JARID2: variants seen among roughly 807,000 people sequenced by gnomAD.
JARID2 encodes the protein jumonji and AT-rich interaction domain containing 2.
In JARID2, 21 loss-of-function variants were observed where a neutral mutation model predicts 125.6. The ratio of observed to expected loss-of-function variants is 0.17; its 90% CI spans 0.12 to 0.24. JARID2 has a LOEUF of 0.24. Among genes scored for constraint, JARID2 ranks in the 10% least tolerant of loss-of-function variants. The pLI, the probability that JARID2 is intolerant of heterozygous loss-of-function variation, is 1.00. For missense variants in JARID2, 1,303 were observed against 1,639.6 expected, an observed-to-expected ratio of 0.79 and a Z score of 3.55; for synonymous variants, 736 against 661.6, an observed-to-expected ratio of 1.11 and a Z score of -1.73.
intron 1 of JARID2, among the ~76,000 whole-genome samples, chr6:15,258,353 C>G (rs1195655288): frequency 6.6e-6 from 1 of 152,154 alleles, no homozygotes; most frequent in Non-Finnish European, 1.5e-5. Flanking sequence ...GCTCTGTCAT[C>G]TTGGGTAGAT....
intron 3 of JARID2, among the ~76,000 whole-genome samples, chr6:15,415,980 T>C (rs1424218387): frequency 1.4e-5 from 2 of 141,042 alleles, no homozygotes; most frequent in Non-Finnish European, 3.1e-5. Context: ...ACAGGGCGGC[T>C]GGGCAGAGAC....
At chr6:15,392,680 C>CTTTTT (rs35429221) in intron 2 of JARID2, among the ~76,000 whole-genome samples, 1 of 120,892 alleles carries the variant, frequency 8.3e-6, no homozygotes, top group Non-Finnish European at 1.7e-5. Context: ...GATTAAGAGA[C>CTTTTT]TTTTTTTTTT....
chr6:15,275,034 G>T (rs1312266570), intron 1 of JARID2, among the ~76,000 whole-genome samples: 1 of 152,184 alleles, frequency 6.6e-6, no homozygotes, highest in Admixed American at 6.5e-5. Context: ...CCCATTTTGT[G>T]TGATAGGATT....
At chr6:15,307,889 A>G (rs12215596) in intron 1 of JARID2, among the ~76,000 whole-genome samples, 6,142 of 152,356 alleles carry the variant, frequency 0.04, 169 homozygotes, top group South Asian at 0.11. Context: ...CAAGAAATAC[A>G]GACTCCCAGC....
At chr6:15,289,604 C>G (rs1230724718) in intron 1 of JARID2, among the ~76,000 whole-genome samples, 3 of 151,848 alleles carry the variant, frequency 2.0e-5, no homozygotes, top group Non-Finnish European at 2.9e-5. Flanking sequence ...CATCTGTAAT[C>G]CCAGCACTTT....
At chr6:15,509,388 T>C in intron 12 of JARID2, 1 of 984,636 alleles carries the variant, frequency 1.0e-6, no homozygotes, top group Non-Finnish European at 1.2e-6. Flanking sequence ...TCTCCCTCTT[T>C]GGAGCCAGCG....
At chr6:15,300,714 TGTGTGTGTGAGA>T (rs1272797409) in intron 1 of JARID2, among the ~76,000 whole-genome samples, 1 of 139,952 alleles carries the variant, frequency 7.1e-6, no homozygotes. Context: ...TGTGTGTGTG[TGTGTGTGTGAGA>T]GAGAGAGAGA....
rs1206625331 is a variant in JARID2 at position 15,521,888 on chromosome 6, T to C, written c.*1637T>C. ...GTAAACTTCTGCCTATGGCTTACAGTTTGACATTTAATTTATTAGCGCTGC... is the reference window on the plus strand; with the variant it reads ...GTAAACTTCTGCCTATGGCTTACAGCTTGACATTTAATTTATTAGCGCTGC... On this transcript the variant is annotated 3_prime_UTR_variant, in exon 18 of 18. Transcript: ENST00000341776. 1 of 152,210 alleles carries C rather than the reference T, an allele frequency of 6.6e-6. No individual in the cohort carries two copies. The highest frequency in any genetic ancestry group is 6.5e-5 in the Admixed American group (1 of 15,284). 9.4% of individuals were successfully genotyped at this position (152,210 alleles called of 1,614,324 possible).
Position 15,511,963 on chromosome 6 carries a change from C to T in JARID2, c.2953-245C>T, listed in dbSNP as rs190753370. On this transcript the variant is annotated intron_variant, in intron 13 of 17. Transcript: ENST00000341776. The stretch of plus-strand genomic sequence containing the variant: ...GTCCTGTTTCCAGCCCTGGCATTGC[C>T]ACGTGGGGACAGAGGGGCCTGTGTG... Among the ~76,000 whole-genome samples the T allele has an allele frequency of 4.9e-4, 75 of 152,344 alleles. 1 individual carries two copies. Among genetic ancestry groups the T allele is most frequent in the Admixed American group, 4.2e-3 (65 of 15,308 alleles).
chr6:15,388,579 A>G (rs1270436469), intron 2 of JARID2, among the ~76,000 whole-genome samples: 1 of 122,512 alleles, frequency 8.2e-6, no homozygotes, highest in East Asian at 2.3e-4. Flanking sequence ...ATTTTATAAT[A>G]TATTATAAAA....
intron 5 of JARID2, among the ~76,000 whole-genome samples, chr6:15,486,246 A>G (rs1769860083): frequency 1.3e-5 from 2 of 152,184 alleles, no homozygotes; most frequent in Admixed American, 6.5e-5. Context: ...AGAGAAATGG[A>G]TGTGAAAGTC....
At chr6:15,380,223 G>C (rs960052492) in intron 2 of JARID2, among the ~76,000 whole-genome samples, 12 of 151,906 alleles carry the variant, frequency 7.9e-5, no homozygotes, top group African/African-American at 2.7e-4. Flanking sequence ...TTAGTAGAGA[G>C]AGGGTTTCAC....
intron 4 of JARID2, among the ~76,000 whole-genome samples, chr6:15,458,564 T>C (rs1768298544): frequency 6.6e-6 from 1 of 152,244 alleles, no homozygotes; most frequent in Admixed American, 6.5e-5. Flanking sequence ...AGCAAACCTT[T>C]ATTAAACTCT....
intron 3 of JARID2, among the ~76,000 whole-genome samples, chr6:15,448,583 C>G (rs1767778127): frequency 6.6e-6 from 1 of 152,116 alleles, no homozygotes. Flanking sequence ...TATGTAATTG[C>G]CAATTAAAAA....
chr6:15,415,214 C>T (rs1766088307), intron 3 of JARID2, among the ~76,000 whole-genome samples: 1 of 147,124 alleles, frequency 6.8e-6, no homozygotes. Context: ...GTGTCTACCT[C>T]CCTCTACACA....
At chr6:15,278,698 C>T (rs1454101320) in intron 1 of JARID2, among the ~76,000 whole-genome samples, 1 of 152,198 alleles carries the variant, frequency 6.6e-6, no homozygotes, top group African/African-American at 2.4e-5. Context: ...GGGGGACATG[C>T]TCCCCCATCC....
intron 1 of JARID2, chr6:15,248,385 G>C (rs1054092965): frequency 7.1e-6 from 1 of 141,524 alleles, no homozygotes; most frequent in African/African-American, 2.6e-5. Flanking sequence ...TGGGGCGCGG[G>C]GGTGGCGCGG....
chr6:15,504,453 G>A (rs772274632), intron 8 of JARID2, 47 bp from the exon 9 acceptor site: 1 of 1,428,390 alleles, frequency 7.0e-7, no homozygotes, highest in Non-Finnish European at 9.9e-7. Flanking sequence ...TTTGCAGTAG[G>A]GTTCAGCTTT....
At chr6:15,447,605 A>T (rs1767731351) in intron 3 of JARID2, among the ~76,000 whole-genome samples, 1 of 152,202 alleles carries the variant, frequency 6.6e-6, no homozygotes. Flanking sequence ...CCAACCCCAC[A>T]GTGATTCTGA....
Sources: allele counts gnomAD v4.1 joint callset (sites outside exome capture counted in the v4.1 genomes callset), GRCh38; gene constraint gnomAD v4.1.1; transcripts MANE v1.5; gene names NCBI Gene and HGNC (gene_info 2026-07-23, HGNC 2026-07-21).